Variants in CTNNA2 observed in about 807,000 individuals in gnomAD.
CTNNA2 encodes the protein catenin alpha 2.
CTNNA2 carries 42 observed loss-of-function variants against 101.0 expected under a neutral mutation model. The observed-to-expected ratio is 0.42, with a 90% CI of 0.32 to 0.54. CTNNA2 has a LOEUF of 0.54. Ranked by LOEUF, CTNNA2 falls within the 20% of genes least tolerant of loss-of-function variation. CTNNA2 has a pLI of 0.14. For missense variants in CTNNA2, 871 were observed against 1,223.1 expected (o/e 0.71, Z 4.29); for synonymous variants, 450 against 456.4 (o/e 0.99, Z 0.18).
At chr2:80,427,796 A>G (rs745526750) in intron 9 of CTNNA2, among the ~76,000 whole-genome samples, 6 of 152,200 alleles carry the variant, frequency 3.9e-5, no homozygotes, top group Non-Finnish European at 4.4e-5. Flanking sequence ...CCCTTGCACA[A>G]TGCTGCATTC....
At chr2:79,226,036 G>T (rs1674404542) in intron 2 of CTNNA2, among the ~76,000 whole-genome samples, 1 of 152,122 alleles carries the variant, frequency 6.6e-6, no homozygotes, top group Non-Finnish European at 1.5e-5. Context: ...AATCAACTGA[G>T]TGCCAAAGTC....
intron 8 of CTNNA2, among the ~76,000 whole-genome samples, chr2:80,407,289 T>C (rs1679158344): frequency 1.3e-5 from 2 of 152,206 alleles, no homozygotes; most frequent in African/African-American, 4.8e-5. Context: ...AGATAGCTTC[T>C]GGACACAGCA....
intron 15 of CTNNA2, among the ~76,000 whole-genome samples, chr2:80,593,341 TTG>T (rs940095164): frequency 3.3e-5 from 5 of 151,792 alleles, no homozygotes; most frequent in African/African-American, 7.3e-5. Context: ...TTTTTTTCTT[TTG>T]TTTTTTTGTT....
intron 4 of CTNNA2, among the ~76,000 whole-genome samples, chr2:79,475,499 G>C (rs1671041345): frequency 2.0e-5 from 3 of 152,150 alleles, no homozygotes; most frequent in South Asian, 2.1e-4. Flanking sequence ...TTTGATTTGT[G>C]GTTTTATGAA....
intron 9 of CTNNA2, among the ~76,000 whole-genome samples, chr2:80,471,705 T>C (rs948629388): frequency 2.0e-5 from 3 of 152,222 alleles, no homozygotes; most frequent in Non-Finnish European, 4.4e-5. Flanking sequence ...TAAATGTTGA[T>C]TGCTTATTTA....
At chr2:79,561,541 C>T (rs139951345) in intron 1 of CTNNA2, among the ~76,000 whole-genome samples, 2 of 152,012 alleles carry the variant, frequency 1.3e-5, no homozygotes, top group African/African-American at 2.4e-5. Flanking sequence ...CACCATTTTT[C>T]TTTCCCTCCA....
chr2:80,131,625 T>C (rs1326179069), intron 7 of CTNNA2, among the ~76,000 whole-genome samples: 1 of 152,134 alleles, frequency 6.6e-6, no homozygotes, highest in Non-Finnish European at 1.5e-5. Flanking sequence ...GGGGGTAGAA[T>C]CTTCCAAGAC....
At chr2:79,835,752 C>T (rs932049127) in intron 3 of CTNNA2, among the ~76,000 whole-genome samples, 5 of 134,638 alleles carry the variant, frequency 3.7e-5, no homozygotes, top group Non-Finnish European at 3.1e-5. Context: ...CCTGCCTCAG[C>T]CTCCCAAGTA....
intron 7 of CTNNA2, among the ~76,000 whole-genome samples, chr2:80,214,878 G>A (rs990540561): frequency 2.6e-5 from 4 of 152,058 alleles, no homozygotes; most frequent in African/African-American, 7.2e-5. Flanking sequence ...CATTATCCCC[G>A]TCATTTTCAG....
At chr2:79,450,155 A>G (rs1678874827) in intron 4 of CTNNA2, among the ~76,000 whole-genome samples, 1 of 151,968 alleles carries the variant, frequency 6.6e-6, no homozygotes, top group Non-Finnish European at 1.5e-5. Flanking sequence ...AAAGATCATG[A>G]GAACATTTTC....
intron 4 of CTNNA2, among the ~76,000 whole-genome samples, chr2:79,387,297 T>C (rs1678116127): frequency 1.3e-5 from 2 of 152,190 alleles, no homozygotes; most frequent in Admixed American, 6.5e-5. Context: ...AAATTCATTC[T>C]CTTTTTGTCT....
At chr2:80,288,142 C>G (rs1223521540) in intron 7 of CTNNA2, among the ~76,000 whole-genome samples, 1 of 152,154 alleles carries the variant, frequency 6.6e-6, no homozygotes, top group African/African-American at 2.4e-5. Flanking sequence ...GGGGGACATT[C>G]AACTGAAAGT....
chr2:80,358,343 CTTTT>C (rs35040432), intron 7 of CTNNA2, among the ~76,000 whole-genome samples: 5 of 99,726 alleles, frequency 5.0e-5, no homozygotes, highest in African/African-American at 1.7e-4. Flanking sequence ...TAGTATTCTA[CTTTT>C]TTTTTTTTTT....
rs1031088000 is a variant in CTNNA2, at chr2:79,472,055, C to T, written c.-134-32999C>T. On this transcript the variant is annotated intron_variant, in intron 4 of 21. Transcript: ENST00000466387. ...TATCATCCAAATCAGATATGAGTGA[C>T]ACCCCATGTCTAATTCATCCTAAGG... is the stretch of plus-strand genomic sequence containing the variant. Among the ~76,000 whole-genome samples the T allele has an allele frequency of 2.0e-5, 3 of 152,168 alleles. No individual in the cohort carries two copies. In the East Asian group the frequency reaches 5.8e-4, roughly 29 times the overall value.
At position 79,606,302 on chromosome 2, in the gene CTNNA2, C is replaced by A. The variant is rs563286124; in HGVS notation, c.-5-45250C>A. Among the ~76,000 whole-genome samples, 3 of 152,318 alleles carry A rather than the reference C, an allele frequency of 2.0e-5. No homozygotes were observed. The East Asian group carries it at 5.8e-4, about 29-fold the overall frequency. ...TTTATTTTTGAGACAGAGTCTCGCTCTGGCACCCAGGCTGGAGTGAAGTGG... is the reference window on the plus strand; with the variant it reads ...TTTATTTTTGAGACAGAGTCTCGCTATGGCACCCAGGCTGGAGTGAAGTGG... On this transcript the variant is annotated intron_variant, in intron 1 of 18. Transcript: ENST00000402739.
chr2:79,197,498 T>C (rs1166991389), intron 1 of CTNNA2, among the ~76,000 whole-genome samples: 1 of 152,220 alleles, frequency 6.6e-6, no homozygotes, highest in Non-Finnish European at 1.5e-5. Flanking sequence ...TCAGTGCTTG[T>C]TGCTGCTGAG....
intron 1 of CTNNA2, among the ~76,000 whole-genome samples, chr2:79,613,848 G>A (rs80213695): frequency 0.031 from 4,753 of 152,212 alleles, 106 homozygotes; most frequent in Non-Finnish European, 0.048. Context: ...ATATGCGTGC[G>A]TGGATTATCT....
intron 2 of CTNNA2, among the ~76,000 whole-genome samples, chr2:79,723,745 T>C (rs1008281387): frequency 6.6e-6 from 1 of 151,996 alleles, no homozygotes; most frequent in African/African-American, 2.4e-5. Context: ...GTTCTAGCAT[T>C]TCTCCCCACC....
chr2:80,220,619 G>C (rs1333777144), intron 7 of CTNNA2, among the ~76,000 whole-genome samples: 1 of 152,154 alleles, frequency 6.6e-6, no homozygotes, highest in Non-Finnish European at 1.5e-5. Context: ...TCATGGTTCT[G>C]GGTACTGCTG....
Sources: gnomAD v4.1 joint callset for allele counts (sites outside exome capture counted in the v4.1 genomes callset) on GRCh38, gnomAD v4.1.1 for gene constraint, MANE v1.5 for transcripts, NCBI Gene and HGNC (gene_info 2026-07-23, HGNC 2026-07-21) for gene names.